Variants in GRIP1 observed in about 807,000 individuals in gnomAD.
GRIP1 encodes glutamate receptor-interacting protein 1.
Under a neutral mutation model 129.9 loss-of-function variants are expected in GRIP1, and 45 were observed. The observed-to-expected ratio is 0.35, with a 90% confidence interval of 0.27 to 0.44. The LOEUF (loss-of-function observed/expected upper bound fraction) is 0.44, where lower values mean the gene tolerates loss of function less well. GRIP1 is among the 20% of genes least tolerant of loss of function. The pLI is 1.00. For synonymous variants in GRIP1, 530 were observed against 520.8 expected (o/e 1.02, Z -0.24); for missense variants, 1,196 against 1,396.8 (o/e 0.86, Z 2.29).
intron 2 of GRIP1, among the ~76,000 whole-genome samples, chr12:66,553,308 C>T (rs2062204677): frequency 6.6e-6 from 1 of 151,898 alleles, no homozygotes; most frequent in Non-Finnish European, 1.5e-5. Context: ...ATGCTTTAGT[C>T]CCTCCCTCTC....
intron 1 of GRIP1, among the ~76,000 whole-genome samples, chr12:66,799,250 C>T (rs1468349630): frequency 6.6e-6 from 1 of 151,696 alleles, no homozygotes; most frequent in Non-Finnish European, 1.5e-5. Flanking sequence ...ACATGATAGC[C>T]AATCAATTTT....
intron 1 of GRIP1, among the ~76,000 whole-genome samples, chr12:66,711,048 T>C (rs1225435662): frequency 2.2e-4 from 33 of 151,890 alleles, no homozygotes; most frequent in Admixed American, 2.2e-3. Context: ...TTTCCTTCAT[T>C]CTTCATATAT....
chr12:66,713,514 C>A (rs1016180390), intron 1 of GRIP1, among the ~76,000 whole-genome samples: 10 of 148,174 alleles, frequency 6.7e-5, no homozygotes, highest in African/African-American at 2.5e-4. Context: ...GAATCTGCAG[C>A]AGTAGAGACC....
chr12:66,884,456 G>A (rs546424231), intron 1 of GRIP1, among the ~76,000 whole-genome samples: 6 of 152,270 alleles, frequency 3.9e-5, no homozygotes, highest in African/African-American at 1.4e-4. Flanking sequence ...TTATCTTAAA[G>A]GAAAGAGAAT....
At chr12:66,743,594 T>G (rs944234917) in intron 1 of GRIP1, among the ~76,000 whole-genome samples, 15 of 141,116 alleles carry the variant, frequency 1.1e-4, no homozygotes, top group African/African-American at 2.5e-4. Flanking sequence ...TAGGCTTTTT[T>G]TTTGTGTGTG....
chr12:66,626,746 C>T (rs763998536), intron 1 of GRIP1: 1 of 152,966 alleles, frequency 6.5e-6, no homozygotes, highest in Non-Finnish European at 1.5e-5. Flanking sequence ...CTCCTCATTT[C>T]ACAGTTCTGG....
chr12:66,701,162 G>A (rs2035338327), intron 1 of GRIP1, among the ~76,000 whole-genome samples: 1 of 152,026 alleles, frequency 6.6e-6, no homozygotes, highest in South Asian at 2.1e-4. Context: ...CATCCATTAT[G>A]GTCCTACTCC....
chr12:66,923,145 A>G (rs1469369608), intron 1 of GRIP1, among the ~76,000 whole-genome samples: 1 of 152,150 alleles, frequency 6.6e-6, no homozygotes, highest in Non-Finnish European at 1.5e-5. Flanking sequence ...CCTAATTGCA[A>G]TTGATATAAA....
chr12:66,566,082 C>T (rs1247668837), intron 2 of GRIP1, among the ~76,000 whole-genome samples: 1 of 152,186 alleles, frequency 6.6e-6, no homozygotes, highest in Non-Finnish European at 1.5e-5. Flanking sequence ...GACAATTTGA[C>T]TTCCTCTTTT....
intron 1 of GRIP1, among the ~76,000 whole-genome samples, chr12:66,970,272 G>C (rs1410954702): frequency 6.6e-6 from 1 of 152,112 alleles, no homozygotes; most frequent in South Asian, 2.1e-4. Flanking sequence ...TGTATAGATG[G>C]GGTTTTACCA....
At chr12:66,687,833 T>A (rs1354771995) in intron 1 of GRIP1, among the ~76,000 whole-genome samples, 1 of 152,082 alleles carries the variant, frequency 6.6e-6, no homozygotes, top group Non-Finnish European at 1.5e-5. Flanking sequence ...GCTGACTAAG[T>A]GGAACATACA....
upstream of GRIP1, chr12:66,679,270 T>A: frequency 1.9e-6 from 1 of 514,314 alleles, no homozygotes; most frequent in Non-Finnish European, 3.0e-6. Context: ...GCATTCTGTT[T>A]AAGGCAAAAG....
chr12:66,513,307 T>C (rs2060752528), intron 7 of GRIP1, among the ~76,000 whole-genome samples: 1 of 152,192 alleles, frequency 6.6e-6, no homozygotes, highest in African/African-American at 2.4e-5. Flanking sequence ...TATTTTTCCC[T>C]GCTTCCTTTT....
chr12:66,689,923 ATTTAT>A (rs1335581122), intron 1 of GRIP1, among the ~76,000 whole-genome samples: 1 of 151,590 alleles, frequency 6.6e-6, no homozygotes, highest in African/African-American at 2.4e-5. Context: ...TTATTTATTT[ATTTAT>A]TTATTTTTGA....
At chr12:67,010,603 T>C (rs1455846679) in intron 1 of GRIP1, among the ~76,000 whole-genome samples, 1 of 151,800 alleles carries the variant, frequency 6.6e-6, no homozygotes, top group Non-Finnish European at 1.5e-5. Context: ...AAACCAGATA[T>C]GAGAAAGAAT....
At chr12:66,532,400 A>G (rs1376325519) in intron 4 of GRIP1, among the ~76,000 whole-genome samples, 1 of 152,184 alleles carries the variant, frequency 6.6e-6, no homozygotes, top group African/African-American at 2.4e-5. Flanking sequence ...CGGTCTTTCA[A>G]TTGTGCTGTT....
chr12:66,475,233 G>A (rs1381355783), intron 7 of GRIP1, among the ~76,000 whole-genome samples: 1 of 152,170 alleles, frequency 6.6e-6, no homozygotes, highest in Non-Finnish European at 1.5e-5. Context: ...AGACAAAGAA[G>A]GCCATTACAT....
intron 1 of GRIP1, among the ~76,000 whole-genome samples, chr12:66,782,516 G>C (rs1461729563): frequency 6.6e-6 from 1 of 152,168 alleles, no homozygotes; most frequent in Non-Finnish European, 1.5e-5. Context: ...AACGGAGGGG[G>C]CTTTTTGTTT....
chr12:66,917,604 A>G (rs1321054605), intron 1 of GRIP1, among the ~76,000 whole-genome samples: 3 of 152,230 alleles, frequency 2.0e-5, no homozygotes, highest in Non-Finnish European at 4.4e-5. Flanking sequence ...TGCCAAGTGT[A>G]GTGCTTCATT....
Sources: gnomAD v4.1 joint callset for allele counts (sites outside exome capture counted in the v4.1 genomes callset) on GRCh38, gnomAD v4.1.1 for gene constraint, MANE v1.5 for transcripts, NCBI Gene and HGNC (gene_info 2026-07-23, HGNC 2026-07-21) for gene names.